The following PLCL1 variants were observed in gnomAD, a reference collection of about 807,000 sequenced individuals.
PLCL1 encodes the protein phospholipase C like 1 (inactive), also known as inactive phospholipase C-like protein 1.
PLCL1 carries 41 observed loss-of-function variants against 84.4 expected under a neutral mutation model. The observed-to-expected ratio is 0.49, with a 90% CI of 0.38 to 0.63. The LOEUF (loss-of-function observed/expected upper bound fraction) is 0.63, where lower values mean the gene tolerates loss of function less well. Ranked by LOEUF, PLCL1 falls within the 30% of genes least tolerant of loss-of-function variation. PLCL1 has a pLI of 0.00. For synonymous variants in PLCL1, 490 were observed against 488.3 expected (o/e 1.00, Z -0.05); for missense variants, 1,206 against 1,367.8 (o/e 0.88, Z 1.87).
chr2:197,923,373 C>A (rs1392205877), intron 1 of PLCL1, among the ~76,000 whole-genome samples: 1 of 145,672 alleles, frequency 6.9e-6, no homozygotes, highest in Admixed American at 6.8e-5. Flanking sequence ...GGGCAGCTGC[C>A]GGTCGGAGGG....
At chr2:197,897,188 T>C (rs79262867) in intron 1 of PLCL1, among the ~76,000 whole-genome samples, 4,898 of 40,668 alleles carry the variant, frequency 0.12, 473 homozygotes, top group Middle Eastern at 0.21. Flanking sequence ...TTCTTCTTCT[T>C]CTCCTTCTCC....
intron 3 of PLCL1, among the ~76,000 whole-genome samples, chr2:198,092,963 C>T (rs1693085160): frequency 6.6e-6 from 1 of 152,102 alleles, no homozygotes; most frequent in African/African-American, 2.4e-5. Flanking sequence ...GTGTAGTTTC[C>T]ATCCTATAAC....
chr2:198,005,094 A>AAAGGAT (rs1286740854), intron 1 of PLCL1, among the ~76,000 whole-genome samples: 1 of 152,176 alleles, frequency 6.6e-6, no homozygotes. Context: ...GTGAGTTTTT[A>AAAGGAT]AAGGATTTTC....
At chr2:198,113,855 A>G (rs756594209) in intron 5 of PLCL1, among the ~76,000 whole-genome samples, 14 of 151,882 alleles carry the variant, frequency 9.2e-5, no homozygotes, top group Non-Finnish European at 1.8e-4. Context: ...AATTAATTTA[A>G]TCATCCACCT....
intron 1 of PLCL1, among the ~76,000 whole-genome samples, chr2:197,891,564 A>C (rs992239178): frequency 6.8e-6 from 1 of 147,878 alleles, no homozygotes; most frequent in Non-Finnish European, 1.5e-5. Flanking sequence ...TGTCATACTG[A>C]GGGCTTTAGA....
At chr2:198,076,163 A>G (rs1029996858) in intron 1 of PLCL1, among the ~76,000 whole-genome samples, 1 of 121,940 alleles carries the variant, frequency 8.2e-6, no homozygotes, top group African/African-American at 3.4e-5. Context: ...CCACTCTGAA[A>G]TGGACTCTTT....
At chr2:197,840,692 CA>C (rs1215956352) in intron 1 of PLCL1, among the ~76,000 whole-genome samples, 1 of 152,154 alleles carries the variant, frequency 6.6e-6, no homozygotes, top group Non-Finnish European at 1.5e-5. Flanking sequence ...TAAGGAAGGG[CA>C]GGGCAGATGC....
chr2:197,947,237 A>AATATATATAT (rs55700681), intron 1 of PLCL1, among the ~76,000 whole-genome samples: 4,085 of 142,612 alleles, frequency 0.029, 82 homozygotes, highest in Non-Finnish European at 0.038. Flanking sequence ...TGCTTAGATA[A>AATATATATAT]ATATATATAT....
At position 198,082,469 on chromosome 2, in the gene PLCL1, A is replaced by T. The variant is rs890739812; in HGVS notation, c.241-1289A>T. On this transcript the variant is annotated intron_variant, in intron 1 of 5. Transcript: ENST00000428675. ...AAAAAAAAAAGTTATTTTTGCTCCA[A>T]GGACAAGGTACTTTGCACTCTACAT... Among the ~76,000 whole-genome samples, 3 of 152,198 alleles carry T rather than the reference A, an allele frequency of 2.0e-5. No homozygotes were observed. The South Asian group carries it at 6.2e-4, about 32-fold the overall frequency.
intron 1 of PLCL1, among the ~76,000 whole-genome samples, chr2:198,011,398 T>C (rs902054435): frequency 6.6e-6 from 1 of 152,116 alleles, no homozygotes; most frequent in Non-Finnish European, 1.5e-5. Context: ...CATTGTTTAA[T>C]TTCCACATAT....
At chr2:198,070,586 G>A (rs1692440482) in intron 1 of PLCL1, among the ~76,000 whole-genome samples, 1 of 151,756 alleles carries the variant, frequency 6.6e-6, no homozygotes, top group South Asian at 2.1e-4. Context: ...GATATTTAAG[G>A]GCTATTTTTA....
rs1401211309 is a variant in PLCL1, at chr2:197,805,208, G to A, written c.109G>A (p.Ala37Thr). 15 of 1,274,784 alleles carry A rather than the reference G, an allele frequency of 1.2e-5. No homozygotes were observed. Among genetic ancestry groups the A allele is most frequent in the Non-Finnish European group, 1.5e-5 (15 of 1,012,690 alleles). 79.0% of individuals were successfully genotyped at this position (1,274,784 alleles called of 1,614,324 possible). Reference sequence around the variant, plus strand: ...TGCCGCCGGGGACTGCGTGACGGCGGCCTCTGGGGGCCGGATGAGGGACCG... The same window carrying A: ...TGCCGCCGGGGACTGCGTGACGGCGACCTCTGGGGGCCGGATGAGGGACCG... ...PDAAGDCVTA[A>T]SGGRMRDRRS... is the part of the protein sequence containing the mutation. The change falls in exon 1 of 6, where the codon GCC becomes ACC. Residue 37 changes from alanine (A) to threonine (T), a missense_variant. Physicochemically the swap from Ala to Thr is moderately conservative, Grantham distance 58 (BLOSUM62 0). Coordinates refer to ENST00000428675, the MANE Select transcript of PLCL1 (RefSeq NM_006226.4). The surrounding 1 kb of genome is among the most constrained non-coding windows in gnomAD (Gnocchi z 4.0).
At chr2:197,864,128 C>T (rs1687483209) in intron 1 of PLCL1, among the ~76,000 whole-genome samples, 1 of 152,092 alleles carries the variant, frequency 6.6e-6, no homozygotes, top group Admixed American at 6.6e-5. Context: ...GATAATAATG[C>T]CTGATAAAGA....
At chr2:197,952,558 C>T (rs1174984990) in intron 1 of PLCL1, among the ~76,000 whole-genome samples, 3 of 152,114 alleles carry the variant, frequency 2.0e-5, no homozygotes, top group African/African-American at 7.2e-5. Flanking sequence ...TGTCCATAAC[C>T]ATTCTTGGTA....
chr2:197,831,587 C>T (rs1164801338), intron 1 of PLCL1, among the ~76,000 whole-genome samples: 1 of 152,180 alleles, frequency 6.6e-6, no homozygotes, highest in Non-Finnish European at 1.5e-5. Flanking sequence ...TTTAACACCC[C>T]ACTGTCCATA....
intron 1 of PLCL1, among the ~76,000 whole-genome samples, chr2:197,969,778 C>A (rs1172999319): frequency 1.3e-5 from 2 of 152,184 alleles, no homozygotes; most frequent in Non-Finnish European, 2.9e-5. Flanking sequence ...CAGGTGAAAT[C>A]ATTTAATAGC....
intron 1 of PLCL1, among the ~76,000 whole-genome samples, chr2:198,048,356 G>C (rs1461067432): frequency 6.6e-6 from 1 of 152,166 alleles, no homozygotes; most frequent in African/African-American, 2.4e-5. Context: ...TGGCCCAAAG[G>C]GGCAAACAAG....
At chr2:198,146,523 C>T (rs1177619954) in intron 5 of PLCL1, among the ~76,000 whole-genome samples, 1 of 152,140 alleles carries the variant, frequency 6.6e-6, no homozygotes, top group African/African-American at 2.4e-5. Context: ...GAGGATTCCT[C>T]ACAATAGGAA....
intron 1 of PLCL1, among the ~76,000 whole-genome samples, chr2:198,008,789 G>A (rs1430222641): frequency 1.3e-5 from 2 of 151,946 alleles, no homozygotes; most frequent in Non-Finnish European, 2.9e-5. Flanking sequence ...GCTATTTTCT[G>A]TAATGGCTGC....
Sources: allele counts gnomAD v4.1 joint callset (sites outside exome capture counted in the v4.1 genomes callset), GRCh38; gene constraint gnomAD v4.1.1; non-coding constraint Gnocchi (gnomAD v3.1); transcripts MANE v1.5; gene names NCBI Gene and HGNC (gene_info 2026-07-23, HGNC 2026-07-21).